GPC6: variants seen among roughly 807,000 people sequenced by gnomAD.
GPC6 encodes glypican 6, also known as glypican-6.
A neutral mutation model predicts 55.2 loss-of-function variants in GPC6; 14 were observed. The observed-to-expected ratio is 0.25, with a 90% CI of 0.17 to 0.40. The LOEUF is 0.40. Ranked by LOEUF, GPC6 falls within the 10% of genes least tolerant of loss-of-function variation. The pLI is 1.00. For synonymous variants in GPC6, 278 were observed against 259.6 expected (o/e 1.07, Z -0.68); for missense variants, 641 against 708.5 (o/e 0.90, Z 1.08).
intron 1 of GPC6, among the ~76,000 whole-genome samples, chr13:93,480,901 T>C (rs576920691): frequency 6.6e-6 from 1 of 152,336 alleles, no homozygotes; most frequent in African/African-American, 2.4e-5. Flanking sequence ...AATGCTGTTA[T>C]GAACATTTGC....
chr13:94,345,946 C>T (rs1221559658), intron 6 of GPC6, among the ~76,000 whole-genome samples: 1 of 152,110 alleles, frequency 6.6e-6, no homozygotes, highest in Non-Finnish European at 1.5e-5. Context: ...CTTCTCTAAG[C>T]TTCTAGTGAA....
chr13:94,149,991 G>A (rs981030098), intron 4 of GPC6, among the ~76,000 whole-genome samples: 1 of 151,808 alleles, frequency 6.6e-6, no homozygotes, highest in Non-Finnish European at 1.5e-5. Flanking sequence ...CAGGAAAAAA[G>A]GTATAGGCCA....
chr13:93,634,173 T>C (rs1879597677), intron 2 of GPC6, among the ~76,000 whole-genome samples: 1 of 152,214 alleles, frequency 6.6e-6, no homozygotes. Context: ...GTGCACTTTA[T>C]GTTTTCAGGT....
At chr13:93,629,042 A>AC (rs1245598376) in intron 2 of GPC6, among the ~76,000 whole-genome samples, 14 of 117,844 alleles carry the variant, frequency 1.2e-4, no homozygotes, top group South Asian at 8.1e-4. Context: ...GCCAGAAAAA[A>AC]AAAAAACAAA....
Position 93,833,943 on chromosome 13 carries a change from A to G in GPC6, c.711+3398A>G, listed in dbSNP as rs535246376. Reference sequence around the variant, plus strand: ...AAGCACTATGTGATTCTTAGTGAATATCTATGGTCAGCCAGCCAGGATTCA... The same window carrying G: ...AAGCACTATGTGATTCTTAGTGAATGTCTATGGTCAGCCAGCCAGGATTCA... On this transcript the variant is annotated intron_variant, in intron 3 of 8. Coordinates refer to ENST00000377047, the MANE Select transcript of GPC6 (RefSeq NM_005708.5). Among the ~76,000 whole-genome samples, 160 of 152,242 alleles carry G rather than the reference A, an allele frequency of 1.1e-3. 1 individual carries two copies. Among genetic ancestry groups the G allele is most frequent in the Non-Finnish European group, 2.0e-3 (137 of 68,014 alleles).
At chr13:93,890,716 A>ATTTTTTTTTTTTTTTTTTTTTTT (rs35783811) in intron 3 of GPC6, among the ~76,000 whole-genome samples, 1 of 125,386 alleles carries the variant, frequency 8.0e-6, no homozygotes, top group Non-Finnish European at 1.6e-5. Flanking sequence ...ATTTTACTTA[A>ATTTTTTTTTTTTTTTTTTTTTTT]TTTTTTTTTT....
chr13:93,437,210 T>C (rs1034616671), intron 1 of GPC6, among the ~76,000 whole-genome samples: 2 of 152,180 alleles, frequency 1.3e-5, no homozygotes, highest in African/African-American at 2.4e-5. Context: ...AGCCTCGTTA[T>C]TACCTGAGAC....
At chr13:93,800,119 A>G (rs1886324053) in intron 2 of GPC6, among the ~76,000 whole-genome samples, 1 of 152,172 alleles carries the variant, frequency 6.6e-6, no homozygotes, top group South Asian at 2.1e-4. Context: ...CATTTATTGT[A>G]TTTTAAGAAT....
At chr13:94,064,605 C>G (rs911568696) in intron 4 of GPC6, among the ~76,000 whole-genome samples, 1 of 152,100 alleles carries the variant, frequency 6.6e-6, no homozygotes, top group Non-Finnish European at 1.5e-5. Flanking sequence ...TATTTCAGAG[C>G]CATAAAGCAA....
At chr13:93,861,285 G>A (rs1272957206) in intron 3 of GPC6, among the ~76,000 whole-genome samples, 1 of 151,032 alleles carries the variant, frequency 6.6e-6, no homozygotes, top group African/African-American at 2.4e-5. Context: ...TTTTATGCCA[G>A]ACACTGCATG....
chr13:93,666,722 C>T (rs1238840121), intron 2 of GPC6, among the ~76,000 whole-genome samples: 2 of 152,110 alleles, frequency 1.3e-5, no homozygotes, highest in African/African-American at 2.4e-5. Flanking sequence ...AATTCTCACT[C>T]ACTAAAATCA....
chr13:93,821,503 C>T lies in GPC6; in HGVS notation c.320-8651C>T, dbSNP rs149344385. On this transcript the variant is annotated intron_variant, in intron 2 of 8. Transcript: ENST00000377047. ...AGGGGCCTGGGATGCACAGTTCAGG[C>T]GCACAGTCTCTTCCTGGGCTGGTCA... 4.7e-4 allele frequency among the ~76,000 whole-genome samples: 71 copies of T among 152,210 alleles called. 3 individuals are homozygous for T. The highest frequency in any genetic ancestry group is 8.5e-4 in the Non-Finnish European group (58 of 68,012).
intron 6 of GPC6, among the ~76,000 whole-genome samples, chr13:94,364,776 G>A (rs571401707): frequency 6.6e-6 from 1 of 152,108 alleles, no homozygotes; most frequent in Non-Finnish European, 1.5e-5. Flanking sequence ...GTGTGTGGGG[G>A]TGGGGGTGTT....
chr13:93,765,550 T>A (rs1885107033), intron 2 of GPC6, among the ~76,000 whole-genome samples: 2 of 152,098 alleles, frequency 1.3e-5, no homozygotes, highest in African/African-American at 4.8e-5. Flanking sequence ...GAAAATAGAA[T>A]CATATGGAGA....
At chr13:94,103,137 T>G (rs1885929153) in intron 4 of GPC6, among the ~76,000 whole-genome samples, 1 of 152,180 alleles carries the variant, frequency 6.6e-6, no homozygotes, top group African/African-American at 2.4e-5. Flanking sequence ...ACATGTGGTG[T>G]TTGGTTTTCT....
chr13:93,642,216 C>T (rs890183722), intron 2 of GPC6, among the ~76,000 whole-genome samples: 2 of 151,988 alleles, frequency 1.3e-5, no homozygotes, highest in African/African-American at 4.8e-5. Context: ...CAATGGTTAG[C>T]TCCCACCTAT....
chr13:93,950,888 G>A (rs924905091), intron 3 of GPC6, among the ~76,000 whole-genome samples: 4 of 152,094 alleles, frequency 2.6e-5, no homozygotes, highest in Admixed American at 1.3e-4. Flanking sequence ...CTTCCATGGT[G>A]ACTGGGAAGA....
At chr13:93,246,219 T>C (rs1263896381) in intron 1 of GPC6, among the ~76,000 whole-genome samples, 1 of 152,160 alleles carries the variant, frequency 6.6e-6, no homozygotes, top group Non-Finnish European at 1.5e-5. Flanking sequence ...TTTGTACACA[T>C]TGAATTAAAG....
chr13:94,176,485 C>T (rs1361873590), intron 4 of GPC6, among the ~76,000 whole-genome samples: 2 of 152,146 alleles, frequency 1.3e-5, no homozygotes, highest in East Asian at 1.9e-4. Context: ...ACTCATTCAC[C>T]ATTCCAACTT....
Sources: allele counts gnomAD v4.1 joint callset (sites outside exome capture counted in the v4.1 genomes callset), GRCh38; gene constraint gnomAD v4.1.1; transcripts MANE v1.5; gene names NCBI Gene and HGNC (gene_info 2026-07-23, HGNC 2026-07-21).